Variants in RASGRF1 observed in about 807,000 individuals in gnomAD.
The protein encoded by RASGRF1 is ras-specific guanine nucleotide-releasing factor 1.
Under a neutral mutation model 138.7 loss-of-function variants are expected in RASGRF1, and 40 were observed. The ratio of observed to expected loss-of-function variants is 0.29; its 90% confidence interval spans 0.22 to 0.38. The LOEUF is 0.38. Among genes scored for constraint, RASGRF1 ranks in the 10% least tolerant of loss-of-function variants. The pLI is 1.00. For missense variants in RASGRF1, 1,108 were observed against 1,650.4 expected (o/e 0.67, Z 5.69); for synonymous variants, 614 against 663.2 (o/e 0.93, Z 1.14).
At chr15:79,084,170 G>C (rs1206155352) in intron 1 of RASGRF1, among the ~76,000 whole-genome samples, 2 of 152,196 alleles carry the variant, frequency 1.3e-5, no homozygotes, top group Non-Finnish European at 2.9e-5. Flanking sequence ...GAAAATCATC[G>C]ATGAAGGGAA....
intron 3 of RASGRF1, among the ~76,000 whole-genome samples, chr15:79,056,543 C>T (rs1364326532): frequency 6.6e-6 from 1 of 152,146 alleles, no homozygotes; most frequent in African/African-American, 2.4e-5. Flanking sequence ...TCTGCCACTT[C>T]CCAGCTGTGT....
chr15:79,039,296 C>CA (rs71148587), intron 5 of RASGRF1, among the ~76,000 whole-genome samples: 674 of 50,280 alleles, frequency 0.013, 46 homozygotes, highest in Non-Finnish European at 0.021. Context: ...GACCCTGTCT[C>CA]AAAAAAAAAA....
At position 79,086,575 on chromosome 15, in the gene RASGRF1, ACCC is replaced by A. The variant is rs35311944; in HGVS notation, c.276+3645_276+3647del. On this transcript the variant is annotated intron_variant, in intron 1 of 26. Coordinates refer to ENST00000558480, the MANE Select transcript of RASGRF1 (RefSeq NM_001145648.3). ...AAGTGGGTAGACAACAGGTTCTAAGACCCCCCCCCCCCAGCTTCTGGGACCTCC... is the reference window on the plus strand; with the variant it reads ...AAGTGGGTAGACAACAGGTTCTAAGACCCCCCCCCAGCTTCTGGGACCTCC... 2.6e-3 allele frequency among the ~76,000 whole-genome samples: 345 copies of A among 134,448 alleles called. 1 individual carries two copies. Among genetic ancestry groups the A allele is most frequent in the Middle Eastern group, 4.3e-3 (1 of 230 alleles). The allele number at this position is 134,448 out of a possible 152,430, so 88.2% of individuals were successfully genotyped here.
At chr15:79,013,337 T>A (rs1369021265) in intron 13 of RASGRF1, among the ~76,000 whole-genome samples, 2 of 152,156 alleles carry the variant, frequency 1.3e-5, no homozygotes. Context: ...GATGTAGTCA[T>A]GAGGGGAATA....
At position 79,049,658 on chromosome 15, in the gene RASGRF1, G is replaced by T. The variant is rs1052459265; in HGVS notation, c.532-70C>A. On this transcript the variant is annotated intron_variant, in intron 3 of 26. Transcript: ENST00000558480. Reference sequence around the variant, plus strand: ...AGAGGCCCCAGGTCTTTGGCCGGTGGGTGGCAGGAACAGGGTGGCAGCCGA... The same window carrying T: ...AGAGGCCCCAGGTCTTTGGCCGGTGTGTGGCAGGAACAGGGTGGCAGCCGA... 19 of 1,389,972 alleles carry T rather than the reference G, an allele frequency of 1.4e-5. No homozygotes were observed. In the South Asian group the frequency reaches 2.5e-4, roughly 18 times the overall value. 86.1% of individuals were successfully genotyped at this position (1,389,972 alleles called of 1,614,324 possible). A position where few individuals can be genotyped will look rare whatever the true frequency, so the allele number is the denominator to read the frequency against.
At chr15:79,062,807 G>C (rs944914886) in intron 2 of RASGRF1, among the ~76,000 whole-genome samples, 1 of 152,056 alleles carries the variant, frequency 6.6e-6, no homozygotes. Context: ...GCCTCCTAAA[G>C]GGTTGGGATT....
Position 78,999,808 on chromosome 15 carries a change from G to T in RASGRF1, c.2681C>A (p.Thr894Asn). The T allele has an allele frequency of 1.2e-6, 2 of 1,614,202 alleles. No individual in the cohort carries two copies. Among genetic ancestry groups the T allele is most frequent in the Non-Finnish European group, 1.7e-6 (2 of 1,180,024 alleles). The change falls in exon 17 of 27, where the codon ACC becomes AAC. Residue 894 changes from threonine (T) to asparagine (N), a missense_variant. Thr to Asn is a moderately conservative substitution (Grantham distance 65). This residue lies in a region of RASGRF1 where 686 missense variants were observed against 976.7 expected (regional missense o/e 0.70). Transcript: ENST00000558480. The stretch of plus-strand genomic sequence containing the variant: ...TGGGGTGCCCTCGTTGGCCCCGGCG[G>T]TTGCTATGGCAAAGGCAGAGGCGGC... ...LSAASAFAIA[T>N]AGANEGTPNK...
At chr15:79,048,137 G>A (rs554180109) in intron 4 of RASGRF1, among the ~76,000 whole-genome samples, 2 of 152,280 alleles carry the variant, frequency 1.3e-5, no homozygotes, top group Non-Finnish European at 2.9e-5. Context: ...AGCTCACTGG[G>A]GCTGTAGTAG....
chr15:79,068,511 TTATATG>T (rs779008876), intron 1 of RASGRF1, among the ~76,000 whole-genome samples: 40 of 148,270 alleles, frequency 2.7e-4, no homozygotes, highest in Admixed American at 1.5e-3. Context: ...ACACGTATAT[TTATATG>T]TATAAGTATA....
At position 79,090,475 on chromosome 15, in the gene RASGRF1, A is replaced by G. The variant is rs761810596; in HGVS notation, c.24T>C (p.Asn8=). The change falls in exon 1 of 27, where the codon AAT becomes AAC. Residue 8 remains asparagine, a synonymous_variant. Transcript: ENST00000558480. Reference sequence around the variant, plus strand: ...GTCCCAGGGACGCGACGTGGCCATCATTCAGCCGGATCCCCTTCTGCATGG... The same window carrying G: ...GTCCCAGGGACGCGACGTGGCCATCGTTCAGCCGGATCCCCTTCTGCATGG... The part of the protein sequence containing the change: MQKGIRL[N]DGHVASLGLL... The G allele has an allele frequency of 6.2e-7, 1 of 1,612,642 alleles. No homozygotes were observed. Among genetic ancestry groups the G allele is most frequent in the Admixed American group, 1.7e-5 (1 of 60,022 alleles).
At chr15:79,017,185 G>C (rs909844002) in intron 12 of RASGRF1, among the ~76,000 whole-genome samples, 6 of 152,342 alleles carry the variant, frequency 3.9e-5, no homozygotes, top group African/African-American at 1.2e-4. Context: ...TGTGCTTCCT[G>C]CTTAATGCTC....
At chr15:78,999,391 G>C (rs931000258) in intron 17 of RASGRF1, among the ~76,000 whole-genome samples, 3 of 152,178 alleles carry the variant, frequency 2.0e-5, no homozygotes, top group Non-Finnish European at 2.9e-5. Flanking sequence ...AGGGCACGCT[G>C]TGCCCTAGAT....
chr15:78,975,797 G>A (rs1207736018), intron 24 of RASGRF1, among the ~76,000 whole-genome samples: 1 of 152,220 alleles, frequency 6.6e-6, no homozygotes, highest in African/African-American at 2.4e-5. Context: ...TCAGATTACA[G>A]GTGTGAGCCA....
chr15:79,072,216 G>C (rs377006829), intron 1 of RASGRF1, among the ~76,000 whole-genome samples: 2 of 151,208 alleles, frequency 1.3e-5, no homozygotes, highest in East Asian at 3.9e-4. Context: ...ACCTCACGAG[G>C]GTGGTGGTCT....
intron 4 of RASGRF1, among the ~76,000 whole-genome samples, chr15:79,049,180 C>T (rs552458293): frequency 3.3e-5 from 5 of 152,168 alleles, no homozygotes; most frequent in South Asian, 4.2e-4. Context: ...AATGGCAATG[C>T]GAGGAAAGCA....
intron 1 of RASGRF1, among the ~76,000 whole-genome samples, chr15:79,079,701 T>G (rs1050763315): frequency 6.6e-6 from 1 of 152,224 alleles, no homozygotes; most frequent in Non-Finnish European, 1.5e-5. Flanking sequence ...TAATGGCCAC[T>G]AGGGAAGTGA....
intron 1 of RASGRF1, among the ~76,000 whole-genome samples, chr15:79,070,721 A>G (rs1002684273): frequency 2.6e-5 from 4 of 152,218 alleles, no homozygotes; most frequent in African/African-American, 9.6e-5. Flanking sequence ...CAAGCATCCA[A>G]TGCATGTTCA....
chr15:79,064,716 C>T (rs991626131), intron 1 of RASGRF1, 190 bp from the exon 2 acceptor site: 8 of 602,740 alleles, frequency 1.3e-5, no homozygotes, highest in African/African-American at 3.7e-5. Context: ...GCTTTTGTAT[C>T]GTGTAACAGA....
intron 2 of RASGRF1, among the ~76,000 whole-genome samples, chr15:79,059,157 TCCTTC>T (rs1281955155): frequency 1.2e-4 from 18 of 150,314 alleles, no homozygotes; most frequent in East Asian, 5.9e-4. Context: ...CCCTTCCCTA[TCCTTC>T]CCTTCCCTTC....
Sources: allele counts gnomAD v4.1 joint callset (sites outside exome capture counted in the v4.1 genomes callset), GRCh38; gene constraint gnomAD v4.1.1; regional missense constraint gnomAD v4.1.1; transcripts MANE v1.5; gene names NCBI Gene and HGNC (gene_info 2026-07-23, HGNC 2026-07-21).